The following PTPRK variants were observed in gnomAD, a reference collection of about 807,000 sequenced individuals.
The protein encoded by PTPRK is receptor-type tyrosine-protein phosphatase kappa.
Under a neutral mutation model 178.0 loss-of-function variants are expected in PTPRK, and 75 were observed. That is an observed-to-expected ratio of 0.42 (90% CI 0.35 to 0.51). PTPRK has a LOEUF of 0.51. PTPRK is among the 20% of genes least tolerant of loss of function. PTPRK has a pLI of 0.02. For synonymous variants in PTPRK, 637 were observed against 620.6 expected, an observed-to-expected ratio of 1.03 and a Z score of -0.39; for missense variants, 1,441 against 1,797.8, an observed-to-expected ratio of 0.80 and a Z score of 3.59.
Position 128,141,014 on chromosome 6 carries a change from T to C in PTPRK, c.1162+43418A>G, listed in dbSNP as rs925930101. 2.6e-5 allele frequency among the ~76,000 whole-genome samples: 4 copies of C among 151,950 alleles called. No homozygotes were observed. In the South Asian group the frequency reaches 8.3e-4, roughly 31 times the overall value. ...CCCTCTTTTCTTCTAGTAAACCTAA[T>C]AACTTGCACCTTTACACATAATGAA... is the stretch of plus-strand genomic sequence containing the variant. On this transcript the variant is annotated intron_variant, in intron 7 of 29. Transcript: ENST00000368226.
In PTPRK at chr6:128,083,770, A is replaced by T; in HGVS notation, c.1520T>A (p.Ile507Asn). The change falls in exon 9 of 30, where the codon ATC becomes AAC. Residue 507 changes from isoleucine (I) to asparagine (N), a missense_variant. Coordinates refer to ENST00000368226, the MANE Select transcript of PTPRK (RefSeq NM_002844.4). ...CAAAGGTTCTTTCCAGTTCAAGAAGATCTTATTTTCAAAGGATGTTCCTTG... is the reference window on the plus strand; with the variant it reads ...CAAAGGTTCTTTCCAGTTCAAGAAGTTCTTATTTTCAAAGGATGTTCCTTG... The part of the protein sequence containing the change: ...SLQGTSFENK[I>N]FLNWKEPLDP... 6.2e-7 allele frequency: 1 copy of T among 1,607,332 alleles called. No homozygotes were observed. The highest frequency in any genetic ancestry group is 8.5e-7 in the Non-Finnish European group (1 of 1,176,218).
Position 128,278,123 on chromosome 6 carries a change from T to TTTTATTTA in PTPRK, c.496-35529_496-35522dup, listed in dbSNP as rs201597116. Among the ~76,000 whole-genome samples the TTTTATTTA allele has an allele frequency of 6.8e-3, 978 of 143,706 alleles. 5 individuals are homozygous for TTTTATTTA. Among genetic ancestry groups the TTTTATTTA allele is most frequent in the South Asian group, 0.01 (47 of 4,542 alleles). 94.3% of individuals were successfully genotyped at this position (143,706 alleles called of 152,430 possible). A position where few individuals can be genotyped will look rare whatever the true frequency, so the allele number is the denominator to read the frequency against. On this transcript the variant is annotated intron_variant, in intron 3 of 29. Coordinates refer to ENST00000368226, the MANE Select transcript of PTPRK (RefSeq NM_002844.4). The stretch of plus-strand genomic sequence containing the variant: ...GAAACAATGCAGGTGTTTTTGTGTT[T>TTTTATTTA]TTTATTTATTTATTTATTTATTTAT...
intron 3 of PTPRK, among the ~76,000 whole-genome samples, chr6:128,294,553 T>G (rs1273466600): frequency 6.6e-6 from 1 of 152,090 alleles, no homozygotes; most frequent in African/African-American, 2.4e-5. Context: ...GCATTTTTCA[T>G]ACTAAATTTT....
At chr6:128,028,681 C>A (rs1194768862) in intron 13 of PTPRK, among the ~76,000 whole-genome samples, 1 of 152,184 alleles carries the variant, frequency 6.6e-6, no homozygotes, top group Admixed American at 6.5e-5. Context: ...CAATTCACAA[C>A]TTCTTGAGAG....
chr6:127,986,796 C>T (rs78293270), intron 21 of PTPRK, among the ~76,000 whole-genome samples: 9,234 of 152,158 alleles, frequency 0.061, 927 homozygotes, highest in African/African-American at 0.21. Flanking sequence ...ATAAACAAAA[C>T]TGAGAAAAAC....
chr6:128,223,367 A>G (rs1810744876), intron 5 of PTPRK, among the ~76,000 whole-genome samples: 1 of 152,014 alleles, frequency 6.6e-6, no homozygotes, highest in African/African-American at 2.4e-5. Context: ...ATTGAATTTC[A>G]AGGACACCAA....
chr6:128,158,621 T>G (rs1032631370), intron 7 of PTPRK, among the ~76,000 whole-genome samples: 4 of 151,830 alleles, frequency 2.6e-5, no homozygotes, highest in African/African-American at 9.7e-5. Context: ...CATTTAAGAG[T>G]TAATTTATGT....
intron 1 of PTPRK, among the ~76,000 whole-genome samples, chr6:128,421,096 A>G (rs577191800): frequency 6.6e-6 from 1 of 152,262 alleles, no homozygotes; most frequent in African/African-American, 2.4e-5. Flanking sequence ...TAAAATCAAC[A>G]TTGATCAAAT....
chr6:128,007,925 A>T, intron 14 of PTPRK: 1 of 576,720 alleles, frequency 1.7e-6, no homozygotes, highest in Non-Finnish European at 2.9e-6. Flanking sequence ...TAAAATACTT[A>T]AAACTTTTGC....
intron 6 of PTPRK, among the ~76,000 whole-genome samples, chr6:128,210,494 G>A (rs1475406569): frequency 6.6e-6 from 1 of 151,948 alleles, no homozygotes; most frequent in Admixed American, 6.6e-5. Context: ...AAAGGAATAA[G>A]AATGTAAAAG....
At chr6:128,168,387 C>T (rs1470248852) in intron 7 of PTPRK, among the ~76,000 whole-genome samples, 2 of 152,046 alleles carry the variant, frequency 1.3e-5, no homozygotes, top group Admixed American at 6.6e-5. Context: ...AAAAGGATAA[C>T]TATCATATGA....
At chr6:128,245,603 G>C (rs1393833519) in intron 3 of PTPRK, among the ~76,000 whole-genome samples, 1 of 152,184 alleles carries the variant, frequency 6.6e-6, no homozygotes, top group Non-Finnish European at 1.5e-5. Context: ...GGAATAAGCT[G>C]AAAGTGAGAT....
intron 2 of PTPRK, among the ~76,000 whole-genome samples, chr6:128,354,364 A>G (rs1833674895): frequency 6.9e-6 from 1 of 145,984 alleles, no homozygotes; most frequent in African/African-American, 2.5e-5. Flanking sequence ...CAGCCTCCTA[A>G]GTAGCTGGGA....
chr6:128,294,267 C>T (rs1286764122), intron 3 of PTPRK, among the ~76,000 whole-genome samples: 1 of 152,064 alleles, frequency 6.6e-6, no homozygotes, highest in Non-Finnish European at 1.5e-5. Context: ...AACCCTGGTG[C>T]TAAGAATCAG....
At chr6:128,229,476 A>C (rs1811943292) in intron 5 of PTPRK, among the ~76,000 whole-genome samples, 1 of 152,184 alleles carries the variant, frequency 6.6e-6, no homozygotes, top group African/African-American at 2.4e-5. Flanking sequence ...CACTGAAACG[A>C]TCTAGAAATG....
intron 13 of PTPRK, among the ~76,000 whole-genome samples, chr6:128,018,495 ATTT>A (rs75812013): frequency 6.9e-6 from 1 of 144,950 alleles, no homozygotes; most frequent in Non-Finnish European, 1.5e-5. Context: ...GGTGGCCTTA[ATTT>A]TTTTTTTTTT....
intron 1 of PTPRK, among the ~76,000 whole-genome samples, chr6:128,425,129 G>T (rs1843969300): frequency 6.7e-6 from 1 of 150,076 alleles, no homozygotes; most frequent in East Asian, 2.0e-4. Flanking sequence ...CCAGGCTGGA[G>T]TGCAGTGGCG....
At chr6:128,109,912 G>C (rs1206836917) in intron 7 of PTPRK, among the ~76,000 whole-genome samples, 2 of 151,902 alleles carry the variant, frequency 1.3e-5, no homozygotes, top group Non-Finnish European at 2.9e-5. Context: ...CTTTTTTGGG[G>C]GGGGAGGAGG....
chr6:127,990,338 C>T (rs955596891), intron 21 of PTPRK, among the ~76,000 whole-genome samples: 3 of 152,054 alleles, frequency 2.0e-5, no homozygotes, highest in South Asian at 2.1e-4. Context: ...TTGCCCTGGA[C>T]ATAACCCGTC....
Sources: gnomAD v4.1 joint callset for allele counts (sites outside exome capture counted in the v4.1 genomes callset) on GRCh38, gnomAD v4.1.1 for gene constraint, MANE v1.5 for transcripts, NCBI Gene and HGNC (gene_info 2026-07-23, HGNC 2026-07-21) for gene names.